Variants in HAS3 observed in about 807,000 individuals in gnomAD.
HAS3 encodes hyaluronan synthase 3, also known as HA synthase 3.
Under a neutral mutation model 50.3 loss-of-function variants are expected in HAS3, and 27 were observed. The ratio of observed to expected loss-of-function variants is 0.54; its 90% CI spans 0.40 to 0.74. The LOEUF (loss-of-function observed/expected upper bound fraction) is 0.74, where lower values mean the gene tolerates loss of function less well. Ranked by LOEUF, HAS3 falls within the 30% of genes least tolerant of loss-of-function variation. The pLI is 0.00. For synonymous variants in HAS3, 339 were observed against 310.9 expected, an observed-to-expected ratio of 1.09 and a Z score of -0.95; for missense variants, 517 against 742.8, an observed-to-expected ratio of 0.70 and a Z score of 3.53.
chr16:69,098,819 C>T, the HAS3 span, among the ~76,000 whole-genome samples: 6 of 150,502 alleles, frequency 4.0e-5, no homozygotes, highest in Non-Finnish European at 7.4e-5. Context: ...GCATGCACCA[C>T]CATGCCCAGC....
the HAS3 span, among the ~76,000 whole-genome samples, chr16:69,085,850 A>G: frequency 6.6e-6 from 1 of 151,848 alleles, no homozygotes; most frequent in Non-Finnish European, 1.5e-5. Context: ...AAGTGCTGGG[A>G]TTACAGGCAT....
At chr16:69,098,662 A>ATTTTTTT in the HAS3 span, among the ~76,000 whole-genome samples, 12 of 98,172 alleles carry the variant, frequency 1.2e-4, no homozygotes, top group African/African-American at 2.9e-4. Context: ...ATCAAACCTG[A>ATTTTTTT]TTTTTTTTTT....
Position 69,114,355 on chromosome 16 carries a change from T to A in HAS3, c.751T>A (p.Tyr251Asn), listed in dbSNP as rs1567581715. 1 of 1,600,022 alleles carries A rather than the reference T, an allele frequency of 6.2e-7. No homozygotes were observed. The highest frequency in any genetic ancestry group is 8.5e-7 in the Non-Finnish European group (1 of 1,177,336). The change falls in exon 4 of 4, where the codon TAC (tyrosine) becomes AAC (asparagine). Residue 251 changes from tyrosine (Y) to asparagine (N), a missense_variant. Coordinates refer to ENST00000569188, the MANE Select transcript of HAS3 (RefSeq NM_001199280.2). This position sits in a 1 kb window ranked among gnomAD's most constrained non-coding sequence, Gnocchi z 6.4. ...VGGDVQILNK[Y>N]DSWISFLSSV... Reference sequence around the variant, plus strand: ...TATTCCCTTGCAGATCCTCAACAAGTACGACTCATGGATTTCCTTCCTGAG... The same window carrying A: ...TATTCCCTTGCAGATCCTCAACAAGAACGACTCATGGATTTCCTTCCTGAG...
At chr16:69,117,860 T>G, downstream of HAS3, 1 of 168,648 alleles carries the variant, frequency 5.9e-6, no homozygotes, top group Non-Finnish European at 1.3e-5. Flanking sequence ...GAATGGGCCC[T>G]TGCTAAGACT....
chr16:69,101,364 G>GCA (rs1960695026), upstream of HAS3, among the ~76,000 whole-genome samples: 1 of 152,032 alleles, frequency 6.6e-6, no homozygotes, highest in South Asian at 2.1e-4. Context: ...GCAGTGGTAT[G>GCA]ATCTCGGCTC....
rs1161310619 is a variant in HAS3, at chr16:69,114,465, G to A, written c.861G>A (p.Leu287=). Residue 287 remains leucine, a synonymous_variant, in exon 4 of 4, where the codon TTG becomes TTA. Coordinates refer to ENST00000569188, the MANE Select transcript of HAS3 (RefSeq NM_001199280.2). The surrounding 1 kb of genome is among the most constrained non-coding windows in gnomAD (Gnocchi z 6.4). ...FGCVQCISGP[L]GMYRNSLLQQ... Reference sequence around the variant, plus strand: ...GTGTGCAGTGTATTAGTGGGCCCTTGGGCATGTACCGCAACAGCCTCCTCC... The same window carrying A: ...GTGTGCAGTGTATTAGTGGGCCCTTAGGCATGTACCGCAACAGCCTCCTCC... The A allele has an allele frequency of 6.2e-7, 1 of 1,613,978 alleles. No individual in the cohort carries two copies. Among genetic ancestry groups the A allele is most frequent in the East Asian group, 2.2e-5 (1 of 44,872 alleles).
chr16:69,088,335 G>A, the HAS3 span, among the ~76,000 whole-genome samples: 3 of 151,928 alleles, frequency 2.0e-5, no homozygotes, highest in Non-Finnish European at 2.9e-5. Flanking sequence ...TGAGGCAGGC[G>A]GATCACCTGA....
In HAS3 at chr16:69,114,761, C is replaced by T. The variant is rs1433828675; in HGVS notation, c.1157C>T (p.Thr386Met). 2.5e-5 allele frequency: 41 copies of T among 1,614,044 alleles called. No individual in the cohort carries two copies. The highest frequency in any genetic ancestry group is 3.2e-5 in the Non-Finnish European group (38 of 1,180,038). The change falls in exon 4 of 4, where the codon ACG becomes ATG. Residue 386 changes from threonine to methionine, a missense_variant. Transcript: ENST00000569188. The surrounding 1 kb of genome is among the most constrained non-coding windows in gnomAD (Gnocchi z 6.4). ...HLWMTYESVVTGFFPFFLIAT... is the reference protein window; with the variant it reads ...HLWMTYESVVMGFFPFFLIAT... The stretch of plus-strand genomic sequence containing the variant: ...TGGATGACCTACGAGTCAGTGGTCA[C>T]GGGTTTCTTCCCCTTCTTCCTCATT...
the HAS3 span, among the ~76,000 whole-genome samples, chr16:69,095,740 G>T: frequency 6.6e-6 from 1 of 152,132 alleles, no homozygotes; most frequent in East Asian, 1.9e-4. Context: ...ACTGCTGCAA[G>T]TAGGACATAT....
the HAS3 span, among the ~76,000 whole-genome samples, chr16:69,092,299 T>C: frequency 1.3e-5 from 2 of 152,162 alleles, no homozygotes; most frequent in Non-Finnish European, 2.9e-5. Flanking sequence ...CTGTTCTTAG[T>C]ATAAGTGTGG....
chr16:69,086,544 G>A, the HAS3 span, among the ~76,000 whole-genome samples: 21 of 151,992 alleles, frequency 1.4e-4, no homozygotes, highest in South Asian at 1.2e-3. Flanking sequence ...GTGTGTGTGT[G>A]TGTGTGTGTG....
Position 69,116,115 on chromosome 16 carries a change from T to G in HAS3, c.*849T>G. 1 of 985,516 alleles carries G rather than the reference T, an allele frequency of 1.0e-6. No homozygotes were observed. 61.0% of individuals were successfully genotyped at this position (985,516 alleles called of 1,614,324 possible). Reference sequence around the variant, plus strand: ...ACATGTTCAGAAAAGAAGTGAAGTCTTGGGTATTTTAACCTGTATACTCTT... The same window carrying G: ...ACATGTTCAGAAAAGAAGTGAAGTCGTGGGTATTTTAACCTGTATACTCTT... On this transcript the variant is annotated 3_prime_UTR_variant, in exon 4 of 4. Coordinates refer to ENST00000569188, the MANE Select transcript of HAS3 (RefSeq NM_001199280.2).
upstream of HAS3, among the ~76,000 whole-genome samples, chr16:69,103,041 G>A (rs2152252607): frequency 6.7e-6 from 1 of 148,314 alleles, no homozygotes. Context: ...GTGTGTGTGT[G>A]TTTCCTTCAA....
upstream of HAS3, among the ~76,000 whole-genome samples, chr16:69,102,396 T>A (rs543871939): frequency 6.6e-6 from 1 of 152,322 alleles, no homozygotes; most frequent in East Asian, 1.9e-4. Flanking sequence ...CGAGCTTGAT[T>A]GTAGCAGCCC....
the HAS3 span, among the ~76,000 whole-genome samples, chr16:69,097,044 T>C: frequency 4.6e-5 from 7 of 151,870 alleles, no homozygotes; most frequent in African/African-American, 9.7e-5. Context: ...CCCAGCTATT[T>C]AGGAGGCTAA....
upstream of HAS3, among the ~76,000 whole-genome samples, chr16:69,103,392 TTTTC>T (rs896873207): frequency 6.6e-6 from 1 of 151,506 alleles, no homozygotes; most frequent in Non-Finnish European, 1.5e-5. Context: ...GACAAGACAT[TTTTC>T]TTTCTTTCTT....
chr16:69,099,917 G>A, the HAS3 span, among the ~76,000 whole-genome samples: 1 of 152,134 alleles, frequency 6.6e-6, no homozygotes, highest in East Asian at 1.9e-4. Flanking sequence ...GCATCTCCAG[G>A]TCTGATTTGA....
Position 69,116,634 on chromosome 16 carries a change from T to C in HAS3, c.*1368T>C. On this transcript the variant is annotated 3_prime_UTR_variant, in exon 4 of 4. Transcript: ENST00000569188. The stretch of plus-strand genomic sequence containing the variant: ...AAACCAAACTAGGAGATGAAACTGG[T>C]TCCTACATCCTAAGGTTCTTGCTTT... The C allele has an allele frequency of 3.0e-6, 3 of 985,328 alleles. No individual in the cohort carries two copies. The highest frequency in any genetic ancestry group is 1.7e-5 in the African/African-American group (1 of 57,366). The allele number at this position is 985,328 out of a possible 1,614,324, so 61.0% of individuals were successfully genotyped here. A position where few individuals can be genotyped will look rare whatever the true frequency, so the allele number is the denominator to read the frequency against.
chr16:69,109,307 G>A lies in HAS3; in HGVS notation c.1-89G>A. The A allele has an allele frequency of 1.5e-6, 2 of 1,326,008 alleles. No individual in the cohort carries two copies. The highest frequency in any genetic ancestry group is 2.8e-5 in the South Asian group (2 of 71,978). The allele number at this position is 1,326,008 out of a possible 1,614,324, so 82.1% of individuals were successfully genotyped here. A position where few individuals can be genotyped will look rare whatever the true frequency, so the allele number is the denominator to read the frequency against. ...GTAACGGTTTTGATCAGTGGGTCAT[G>A]TCCACTAGTAACAGAGAACACCCAT... On this transcript the variant is annotated intron_variant, in intron 1 of 3. Transcript: ENST00000569188. This position sits in a 1 kb window ranked among gnomAD's most constrained non-coding sequence, Gnocchi z 5.3.
Sources: allele counts gnomAD v4.1 joint callset (sites outside exome capture counted in the v4.1 genomes callset), GRCh38; gene constraint gnomAD v4.1.1; non-coding constraint Gnocchi (gnomAD v3.1); transcripts MANE v1.5; gene names NCBI Gene and HGNC (gene_info 2026-07-23, HGNC 2026-07-21).